IFT140: variants seen among roughly 807,000 people sequenced by gnomAD.
IFT140 encodes intraflagellar transport 140, also known as intraflagellar transport protein 140 homolog.
Under a neutral mutation model 164.6 loss-of-function variants are expected in IFT140, and 133 were observed. The ratio of observed to expected loss-of-function variants is 0.81; its 90% CI spans 0.70 to 0.93. The LOEUF (loss-of-function observed/expected upper bound fraction) is 0.93. IFT140 is among the 40% of genes least tolerant of loss of function. The probability of loss-of-function intolerance (pLI) is 0.00; values close to 1 mark genes in which losing one functional copy is unlikely to be tolerated. For synonymous variants in IFT140, 860 were observed against 817.3 expected (o/e 1.05, Z -0.89); for missense variants, 2,045 against 1,972.3 (o/e 1.04, Z -0.70).
In IFT140 at chr16:1,562,019, C is replaced by T. The variant is rs1338292150; in HGVS notation, c.2165G>A (p.Gly722Glu). The change falls in exon 18 of 31, where the codon GGG becomes GAG. Residue 722 changes from glycine to glutamate, a missense_variant. Physicochemically the swap from Gly to Glu is moderately conservative, Grantham distance 98. Coordinates refer to ENST00000426508, the MANE Select transcript of IFT140 (RefSeq NM_014714.4). Reference protein sequence around the residue: ...PRPATSHSLLGMEVPYYYFTR... With the variant: ...PRPATSHSLLEMEVPYYYFTR... The stretch of plus-strand genomic sequence containing the variant: ...GAAGTAGTAATAAGGCACTTCCATC[C>T]CCAGGAGACTGTGGGAGGTGGCAGG... 1 of 1,611,122 alleles carries T rather than the reference C, an allele frequency of 6.2e-7. No homozygotes were observed. The highest frequency in any genetic ancestry group is 8.5e-7 in the Non-Finnish European group (1 of 1,178,788).
chr16:1,592,196 A>C lies in IFT140; in HGVS notation c.614T>G (p.Phe205Cys). 1 of 1,614,168 alleles carries C rather than the reference A, an allele frequency of 6.2e-7. No individual in the cohort carries two copies. The highest frequency in any genetic ancestry group is 8.5e-7 in the Non-Finnish European group (1 of 1,180,026). ...LKMGSHEGLL[F>C]FVSLMDGTVH... is the part of the protein sequence containing the mutation. ...CTCACCGTCCATCAGACTGACAAAG[A>C]ACAACAGCCCCTCGTGAGACCCCAT... The change falls in exon 6 of 31, where the codon TTC (phenylalanine) becomes TGC (cysteine). Residue 205 changes from phenylalanine to cysteine, a missense_variant. By Grantham distance (205) the Phe-to-Cys change is radical. Transcript: ENST00000426508.
chr16:1,532,221 G>A (rs995048265), intron 19 of IFT140: 1 of 152,290 alleles, frequency 6.6e-6, no homozygotes, highest in Admixed American at 6.5e-5. Context: ...CAGGTTCCGG[G>A]GGCTGAGAAC....
At position 1,591,982 on chromosome 16, in the gene IFT140, G is replaced by A. The variant is rs536399679; in HGVS notation, c.634+194C>T. 7.0e-4 allele frequency among the ~76,000 whole-genome samples: 107 copies of A among 152,310 alleles called. 1 individual carries two copies. In the South Asian group the frequency reaches 8.5e-3, roughly 12 times the overall value. On this transcript the variant is annotated intron_variant, in intron 6 of 30. Coordinates refer to ENST00000426508, the MANE Select transcript of IFT140 (RefSeq NM_014714.4). ...ACTTGTCTATCAGAACAAAGCGAGGGCAACATTTCAACACTGGATGGATGG... is the reference window on the plus strand; with the variant it reads ...ACTTGTCTATCAGAACAAAGCGAGGACAACATTTCAACACTGGATGGATGG...
rs375635975 is a variant in IFT140, at chr16:1,524,811, G to C, written c.2970C>G (p.Ile990Met). The C allele has an allele frequency of 1.9e-6, 3 of 1,611,004 alleles. No individual in the cohort carries two copies. The South Asian group carries it at 3.3e-5, about 18-fold the overall frequency. The change falls in exon 23 of 31, where the codon ATC becomes ATG. Residue 990 changes from isoleucine (I) to methionine (M), a missense_variant. Ile to Met is a conservative substitution (Grantham distance 10). Coordinates refer to ENST00000426508, the MANE Select transcript of IFT140 (RefSeq NM_014714.4). ...TCTGGACATTGCCCTGGAAGCAGTG[G>C]ATGCGGACCAGGGAGAAGTGGTCCC... ...LARDHFSLVR[I>M]HCFQGNVQKA...
rs769368548 is a variant in IFT140 at position 1,589,644 on chromosome 16, G to A, written c.771C>T (p.Tyr257=). 2 of 1,614,142 alleles carry A rather than the reference G, an allele frequency of 1.2e-6. No individual in the cohort carries two copies. The highest frequency in any genetic ancestry group is 1.7e-6 in the Non-Finnish European group (2 of 1,180,020). Residue 257 remains tyrosine (Y), a synonymous_variant, in exon 7 of 31, where the codon TAC becomes TAT. Coordinates refer to ENST00000426508, the MANE Select transcript of IFT140 (RefSeq NM_014714.4). ...VVTENLRLSL[Y]TVPPEGKAEE... Reference sequence around the variant, plus strand: ...CTGCTTTGCCCTCAGGAGGCACCGTGTACAGGGACAGCCGGAGGTTCTCTG... The same window carrying A: ...CTGCTTTGCCCTCAGGAGGCACCGTATACAGGGACAGCCGGAGGTTCTCTG...
In IFT140 at chr16:1,594,898, T is replaced by C. The variant is rs75103189; in HGVS notation, c.370-2310A>G. On this transcript the variant is annotated intron_variant, in intron 4 of 30. Transcript: ENST00000426508. ...CAGTACGCTCTTCTTCCCACCGCCT[T>C]TTCAGGCAGCACCGACTCCAATCTC... Among the ~76,000 whole-genome samples, 623 of 152,372 alleles carry C rather than the reference T, an allele frequency of 4.1e-3. 35 individuals are homozygous for C. In the East Asian group the frequency reaches 0.11, roughly 27 times the overall value.
chr16:1,512,391 G>T (rs1165903095), intron 30 of IFT140, among the ~76,000 whole-genome samples: 2 of 152,120 alleles, frequency 1.3e-5, no homozygotes, highest in Admixed American at 6.5e-5. Context: ...GGTGGTGCAC[G>T]TGACCCCGGG....
chr16:1,516,327 T>C (rs1295167481), intron 30 of IFT140, among the ~76,000 whole-genome samples: 1 of 152,014 alleles, frequency 6.6e-6, no homozygotes, highest in Non-Finnish European at 1.5e-5. Context: ...ATACGACAAA[T>C]ACAGGTGGGG....
intron 19 of IFT140, chr16:1,554,187 C>G: frequency 8.1e-7 from 1 of 1,228,988 alleles, no homozygotes; most frequent in South Asian, 1.3e-5. Flanking sequence ...TCCGCCCTGC[C>G]TGAGCTGCAG....
At chr16:1,539,824 G>A (rs2031457645) in intron 19 of IFT140, among the ~76,000 whole-genome samples, 1 of 152,216 alleles carries the variant, frequency 6.6e-6, no homozygotes, top group African/African-American at 2.4e-5. Flanking sequence ...GGCTCATGGT[G>A]CCATGTGCTG....
In IFT140 at chr16:1,531,122, C is replaced by A. The variant is rs1053601928; in HGVS notation, c.2400-4326G>T. The A allele has an allele frequency of 2.6e-5, 4 of 152,388 alleles. No homozygotes were observed. The highest frequency in any genetic ancestry group is 6.5e-5 in the Admixed American group (1 of 15,302). 9.4% of individuals were successfully genotyped at this position (152,388 alleles called of 1,614,324 possible). A position where few individuals can be genotyped will look rare whatever the true frequency, so the allele number is the denominator to read the frequency against. On this transcript the variant is annotated intron_variant, in intron 19 of 30. Coordinates refer to ENST00000426508, the MANE Select transcript of IFT140 (RefSeq NM_014714.4). The surrounding 1 kb of genome is among the most constrained non-coding windows in gnomAD (Gnocchi z 4.7). ...CCGGCCAGGGCTCTCGGGACAGCCT[C>A]CACTCCGGTGTGGGGTTCTGGGGTT... is the stretch of plus-strand genomic sequence containing the variant.
rs200390733 is a variant in IFT140 at position 1,524,772 on chromosome 16, C to G, written c.2997+12G>C. 1.9e-6 allele frequency: 3 copies of G among 1,600,234 alleles called. No homozygotes were observed. The Admixed American group carries it at 5.0e-5, about 27-fold the overall frequency. ...CGTGTCCGCCTGGCCGGCTCCCCTG[C>G]GGGGACCTTACCTTCTGGACATTGC... On this transcript the variant is annotated intron_variant, in intron 23 of 30. Coordinates refer to ENST00000426508, the MANE Select transcript of IFT140 (RefSeq NM_014714.4).
chr16:1,526,543 C>T (rs969495828), intron 20 of IFT140, 76 bp downstream of exon 20: 306 of 1,380,718 alleles, frequency 2.2e-4, no homozygotes, highest in Non-Finnish European at 2.7e-4. Flanking sequence ...GTGGGCGTGC[C>T]TCCTCCTTCC....
At chr16:1,588,184 G>A (rs917996189) in intron 7 of IFT140, among the ~76,000 whole-genome samples, 160 bp from the exon 8 acceptor site, 3 of 152,160 alleles carry the variant, frequency 2.0e-5, no homozygotes, top group Non-Finnish European at 4.4e-5. Context: ...GTGGCTTTGG[G>A]TTTTGAGATG....
intron 2 of IFT140, 150 bp downstream of exon 2, chr16:1,610,514 T>G (rs1391475026): frequency 6.5e-6 from 1 of 153,430 alleles, no homozygotes; most frequent in Admixed American, 6.5e-5. Context: ...TCGATGGGAC[T>G]CGCGAGGGGC....
rs145551546 is a variant in IFT140, at chr16:1,592,302, C to T, written c.508G>A (p.Ala170Thr). ...TCATCACCGCTCACAGCTGCCTTTGCCAACTGAACCAGGTCCCTGAAAGCA... is the reference window on the plus strand; with the variant it reads ...TCATCACCGCTCACAGCTGCCTTTGTCAACTGAACCAGGTCCCTGAAAGCA... ...PPPGEDLVQLAKAAVSGDEKA... is the reference protein window; with the variant it reads ...PPPGEDLVQLTKAAVSGDEKA... The change falls in exon 6 of 31, where the codon GCA (alanine) becomes ACA (threonine). Residue 170 changes from alanine to threonine, a missense_variant. Physicochemically the swap from Ala to Thr is moderately conservative, Grantham distance 58 (BLOSUM62 0). Coordinates refer to ENST00000426508, the MANE Select transcript of IFT140 (RefSeq NM_014714.4). The T allele has an allele frequency of 4.0e-5, 64 of 1,614,060 alleles. No homozygotes were observed. Among genetic ancestry groups the T allele is most frequent in the Middle Eastern group, 3.3e-4 (2 of 6,084 alleles).
intron 13 of IFT140, among the ~76,000 whole-genome samples, chr16:1,572,567 A>C (rs2034078231): frequency 6.6e-6 from 1 of 152,014 alleles, no homozygotes; most frequent in African/African-American, 2.4e-5. Flanking sequence ...AATGGTGTGG[A>C]CCCGGGAGGT....
At chr16:1,590,401 C>G (rs2035117726) in intron 6 of IFT140, among the ~76,000 whole-genome samples, 1 of 152,070 alleles carries the variant, frequency 6.6e-6, no homozygotes. Flanking sequence ...CTCATACCCT[C>G]CACACGCTGA....
At chr16:1,559,801 C>G (rs968495941) in intron 18 of IFT140, among the ~76,000 whole-genome samples, 6 of 152,306 alleles carry the variant, frequency 3.9e-5, no homozygotes, top group Admixed American at 3.3e-4. Context: ...TATCGGTGCA[C>G]AGACAATTGT....
Sources: allele counts gnomAD v4.1 joint callset (sites outside exome capture counted in the v4.1 genomes callset), GRCh38; gene constraint gnomAD v4.1.1; non-coding constraint Gnocchi (gnomAD v3.1); transcripts MANE v1.5; gene names NCBI Gene and HGNC (gene_info 2026-07-23, HGNC 2026-07-21).